The following CSMD3 variants were observed in gnomAD, a reference collection of about 807,000 sequenced individuals.
CSMD3 encodes CUB and sushi domain-containing protein 3.
Under a neutral mutation model 435.2 loss-of-function variants are expected in CSMD3, and 177 were observed. The ratio of observed to expected loss-of-function variants is 0.41; its 90% CI spans 0.36 to 0.46. The LOEUF is 0.46. Ranked by LOEUF, CSMD3 falls within the 20% of genes least tolerant of loss-of-function variation. CSMD3 has a pLI of 0.34. For synonymous variants in CSMD3, 1,656 were observed against 1,520.5 expected (o/e 1.09, Z -2.07); for missense variants, 4,265 against 4,504.6 (o/e 0.95, Z 1.52).
At chr8:113,218,088 T>C (rs2132114336) in intron 3 of CSMD3, among the ~76,000 whole-genome samples, 1 of 144,774 alleles carries the variant, frequency 6.9e-6, no homozygotes, top group Non-Finnish European at 1.5e-5. Context: ...CTTTCAGCAC[T>C]TTAAATATGC....
intron 4 of CSMD3, among the ~76,000 whole-genome samples, chr8:113,161,209 C>A (rs2092032551): frequency 6.6e-6 from 1 of 152,080 alleles, no homozygotes; most frequent in Non-Finnish European, 1.5e-5. Context: ...ATTGGTATAG[C>A]ATTGCTTCAA....
At chr8:113,030,740 TG>T (rs1287528303) in intron 5 of CSMD3, among the ~76,000 whole-genome samples, 1 of 150,560 alleles carries the variant, frequency 6.6e-6, no homozygotes, top group African/African-American at 2.4e-5. Context: ...AAATACAAAA[TG>T]TAAAAAAAAA....
chr8:113,420,965 G>A (rs1286575224), intron 1 of CSMD3, among the ~76,000 whole-genome samples: 1 of 151,308 alleles, frequency 6.6e-6, no homozygotes, highest in Non-Finnish European at 1.5e-5. Flanking sequence ...ATTATAATAC[G>A]ATGATGACTT....
chr8:112,264,839 A>G (rs1253753222), intron 60 of CSMD3, among the ~76,000 whole-genome samples: 1 of 152,148 alleles, frequency 6.6e-6, no homozygotes, highest in East Asian at 1.9e-4. Flanking sequence ...AAGTAATCAT[A>G]AAAATTGGCC....
intron 1 of CSMD3, among the ~76,000 whole-genome samples, chr8:113,382,283 T>C (rs1486300108): frequency 6.6e-6 from 1 of 152,212 alleles, no homozygotes; most frequent in Non-Finnish European, 1.5e-5. Flanking sequence ...TTAGTTGTTA[T>C]GATTTTTAAA....
At chr8:112,541,144 T>C (rs1186465343) in intron 27 of CSMD3, among the ~76,000 whole-genome samples, 1 of 151,802 alleles carries the variant, frequency 6.6e-6, no homozygotes, top group Non-Finnish European at 1.5e-5. Context: ...AACAGGACTA[T>C]GTAAGAAGTT....
At chr8:112,981,535 A>G (rs2085053290) in intron 6 of CSMD3, among the ~76,000 whole-genome samples, 1 of 151,606 alleles carries the variant, frequency 6.6e-6, no homozygotes, top group Admixed American at 6.6e-5. Flanking sequence ...GTCATTTATC[A>G]TGTACAAGTG....
Position 112,556,793 on chromosome 8 carries a change from C to A in CSMD3, c.4204G>T (p.Ala1402Ser), listed in dbSNP as rs762747528. 1 of 1,612,062 alleles carries A rather than the reference C, an allele frequency of 6.2e-7. No individual in the cohort carries two copies. Among genetic ancestry groups the A allele is most frequent in the African/African-American group, 1.3e-5 (1 of 74,926 alleles). Residue 1402 changes from alanine (A) to serine (S), a missense_variant, in exon 25 of 71, where the codon GCA becomes TCA. Physicochemically the swap from Ala to Ser is moderately conservative, Grantham distance 99. Transcript: ENST00000297405. The stretch of plus-strand genomic sequence containing the variant: ...CAGGAAGGCAGAGGATAGTCCCATG[C>A]CCTTCTCTCCCCTGTCATGCACTTG... ...LLKCMTGERR[A>S]WDYPLPSCIA...
At chr8:112,650,130 A>G (rs1319844709) in intron 19 of CSMD3, 31 bp downstream of exon 19, 4 of 1,450,236 alleles carry the variant, frequency 2.8e-6, no homozygotes, top group South Asian at 1.1e-5. Context: ...TTTATAAATC[A>G]GCATATTTTG....
At chr8:112,925,330 G>A (rs1248696074) in intron 9 of CSMD3, among the ~76,000 whole-genome samples, 1 of 151,972 alleles carries the variant, frequency 6.6e-6, no homozygotes, top group African/African-American at 2.4e-5. Context: ...AGGCCAAGGA[G>A]GGAGGATTAC....
chr8:112,584,403 G>T (rs1830559943), intron 23 of CSMD3, among the ~76,000 whole-genome samples: 1 of 151,666 alleles, frequency 6.6e-6, no homozygotes, highest in African/African-American at 2.4e-5. Context: ...TACTGGTATG[G>T]TTTTAAATAA....
At chr8:112,768,088 T>C (rs557763436) in intron 13 of CSMD3, among the ~76,000 whole-genome samples, 2 of 151,888 alleles carry the variant, frequency 1.3e-5, no homozygotes, top group African/African-American at 2.4e-5. Context: ...GAATTTGACA[T>C]ATAGTTTATG....
chr8:112,787,068 C>A (rs1002880352), intron 13 of CSMD3, among the ~76,000 whole-genome samples: 1 of 152,064 alleles, frequency 6.6e-6, no homozygotes, highest in Admixed American at 6.6e-5. Context: ...TGAACTCATC[C>A]TTTTTTGTGG....
At chr8:113,012,586 A>T (rs1175396772) in intron 6 of CSMD3, among the ~76,000 whole-genome samples, 1 of 151,794 alleles carries the variant, frequency 6.6e-6, no homozygotes, top group Admixed American at 6.6e-5. Flanking sequence ...ATAAATGGTA[A>T]TTTTTTCGGC....
intron 13 of CSMD3, among the ~76,000 whole-genome samples, chr8:112,703,660 G>A (rs1319362501): frequency 6.6e-6 from 1 of 152,116 alleles, no homozygotes; most frequent in Non-Finnish European, 1.5e-5. Context: ...AGAGTGATCT[G>A]TAAAACTTGC....
At chr8:113,024,991 GTC>G (rs1213509614) in intron 5 of CSMD3, among the ~76,000 whole-genome samples, 1 of 151,716 alleles carries the variant, frequency 6.6e-6, no homozygotes, top group Non-Finnish European at 1.5e-5. Flanking sequence ...TTGTCTTTCT[GTC>G]TCTGAGTTGT....
In CSMD3 at chr8:112,975,831, C is replaced by T. The variant is rs755949531; in HGVS notation, c.1342+6G>A. On this transcript the variant is annotated splice_donor_region_variant and intron_variant, in intron 7 of 70. Transcript: ENST00000297405. The stretch of plus-strand genomic sequence containing the variant: ...AAATGGGCACAAGTAAAATAACATC[C>T]AATACCTCTATGAGTAACAACTGCA... 30 of 1,612,550 alleles carry T rather than the reference C, an allele frequency of 1.9e-5. No individual in the cohort carries two copies. The Admixed American group carries it at 4.8e-4, about 26-fold the overall frequency.
chr8:113,291,676 C>T (rs1387869256), intron 2 of CSMD3, among the ~76,000 whole-genome samples: 4 of 151,756 alleles, frequency 2.6e-5, no homozygotes, highest in African/African-American at 4.8e-5. Context: ...TACGAGTAGC[C>T]ACCAGTGTAT....
chr8:113,336,529 G>A (rs553276503), intron 1 of CSMD3, among the ~76,000 whole-genome samples: 1 of 152,228 alleles, frequency 6.6e-6, no homozygotes, highest in Non-Finnish European at 1.5e-5. Context: ...TTATGCTAAG[G>A]AACTCTGGAT....
Sources: allele counts gnomAD v4.1 joint callset (sites outside exome capture counted in the v4.1 genomes callset), GRCh38; gene constraint gnomAD v4.1.1; transcripts MANE v1.5; gene names NCBI Gene and HGNC (gene_info 2026-07-23, HGNC 2026-07-21).